Variants in CDH4 observed in about 807,000 individuals in gnomAD.
CDH4 encodes cadherin-4.
A neutral mutation model predicts 86.0 loss-of-function variants in CDH4; 33 were observed. The ratio of observed to expected loss-of-function variants is 0.38; its 90% CI spans 0.29 to 0.51. The LOEUF is 0.51. Ranked by LOEUF, CDH4 falls within the 20% of genes least tolerant of loss-of-function variation. The pLI, the probability that CDH4 is intolerant of heterozygous loss-of-function variation, is 0.86. For synonymous variants in CDH4, 555 were observed against 549.4 expected (o/e 1.01, Z -0.14); for missense variants, 1,114 against 1,307.4 (o/e 0.85, Z 2.28).
chr20:61,692,981 A>G (rs1003811481), intron 2 of CDH4, among the ~76,000 whole-genome samples: 2 of 152,150 alleles, frequency 1.3e-5, no homozygotes, highest in Non-Finnish European at 2.9e-5. Context: ...CCAGTTATCC[A>G]ATTAAAATGA....
chr20:61,483,426 G>GT (rs2085578643), intron 2 of CDH4, among the ~76,000 whole-genome samples: 1 of 152,218 alleles, frequency 6.6e-6, no homozygotes, highest in South Asian at 2.1e-4. Flanking sequence ...TCGATTGCTT[G>GT]AAGAGACGGT....
At chr20:61,893,647 A>C (rs1984959815) in intron 7 of CDH4, among the ~76,000 whole-genome samples, 1 of 145,718 alleles carries the variant, frequency 6.9e-6, no homozygotes, top group South Asian at 2.3e-4. Flanking sequence ...GGTTGGATAG[A>C]TGGATGGATG....
At chr20:61,457,199 T>A (rs561685789) in intron 2 of CDH4, among the ~76,000 whole-genome samples, 2 of 152,284 alleles carry the variant, frequency 1.3e-5, no homozygotes, top group African/African-American at 4.8e-5. Flanking sequence ...GACAAGGTCA[T>A]GGTGGTGGCT....
chr20:61,851,456 G>A (rs889115960), intron 5 of CDH4, among the ~76,000 whole-genome samples: 2 of 152,226 alleles, frequency 1.3e-5, no homozygotes, highest in African/African-American at 4.8e-5. Flanking sequence ...GGGAGTGGCA[G>A]CGGCCATGTG....
At chr20:61,436,697 T>G (rs1227140201) in intron 2 of CDH4, 2 of 152,226 alleles carry the variant, frequency 1.3e-5, no homozygotes, top group Non-Finnish European at 2.9e-5. Flanking sequence ...CACATTGGCC[T>G]CACGATTGAA....
chr20:61,697,159 G>A (rs1026008882), intron 2 of CDH4, among the ~76,000 whole-genome samples: 5 of 152,182 alleles, frequency 3.3e-5, no homozygotes, highest in African/African-American at 1.2e-4. Flanking sequence ...ATTCGGATGT[G>A]CGGATGAAGG....
Position 61,812,117 on chromosome 20 carries a change from G to A in CDH4, c.577-32551G>A, listed in dbSNP as rs1336333831. 2.0e-5 allele frequency among the ~76,000 whole-genome samples: 3 copies of A among 152,052 alleles called. No homozygotes were observed. In the East Asian group the frequency reaches 5.8e-4, roughly 29 times the overall value. On this transcript the variant is annotated intron_variant, in intron 4 of 15. Transcript: ENST00000614565. ...GTGCCTTAGTTCATCTGCTTCCAAG[G>A]GTGGCTGCCTAAGCTTCACTCAGGT...
rs981277823 is a variant in CDH4, at chr20:61,481,527, A to G, written c.169+226590A>G. On this transcript the variant is annotated intron_variant, in intron 2 of 15. Transcript: ENST00000614565. ...CTAAATCCCTTATGTCATCTGTGCA[A>G]CCATATAGTTGAATTTACCATCATG... Among the ~76,000 whole-genome samples, 3 of 152,232 alleles carry G rather than the reference A, an allele frequency of 2.0e-5. No individual in the cohort carries two copies. The South Asian group carries it at 6.2e-4, about 31-fold the overall frequency.
intron 2 of CDH4, among the ~76,000 whole-genome samples, chr20:61,706,535 G>T (rs2145892235): frequency 6.6e-6 from 1 of 152,358 alleles, no homozygotes; most frequent in Admixed American, 6.5e-5. Context: ...AGACTCCGGG[G>T]AGGAAGAACG....
At chr20:61,371,385 G>A (rs1459382971) in intron 2 of CDH4, among the ~76,000 whole-genome samples, 1 of 152,344 alleles carries the variant, frequency 6.6e-6, no homozygotes, top group African/African-American at 2.4e-5. Flanking sequence ...GTGTCCAGTG[G>A]ACATTGAATA....
At chr20:61,395,820 AG>A (rs958933993) in intron 2 of CDH4, among the ~76,000 whole-genome samples, 6 of 152,308 alleles carry the variant, frequency 3.9e-5, no homozygotes, top group African/African-American at 1.4e-4. Context: ...TAGGTTTTAA[AG>A]GGCTTGCTAG....
At chr20:61,640,295 G>A (rs762042397) in intron 2 of CDH4, among the ~76,000 whole-genome samples, 21 of 152,372 alleles carry the variant, frequency 1.4e-4, no homozygotes, top group Middle Eastern at 3.4e-3. Flanking sequence ...CACGTGCCTC[G>A]GCGGCCTGGC....
At chr20:61,571,131 G>A (rs73304608) in intron 2 of CDH4, among the ~76,000 whole-genome samples, 6,928 of 152,206 alleles carry the variant, frequency 0.046, 416 homozygotes, top group African/African-American at 0.13. Flanking sequence ...TGAATAACCC[G>A]CCTGCAGGGT....
intron 2 of CDH4, among the ~76,000 whole-genome samples, chr20:61,502,315 T>C (rs923572741): frequency 1.3e-5 from 2 of 152,198 alleles, no homozygotes; most frequent in African/African-American, 4.8e-5. Context: ...CTTTGTCGTT[T>C]TTCCTGAGTG....
intron 2 of CDH4, among the ~76,000 whole-genome samples, chr20:61,549,380 C>G (rs1323777817): frequency 5.3e-5 from 8 of 152,158 alleles, no homozygotes; most frequent in Non-Finnish European, 1.0e-4. Context: ...TACAAAGGCT[C>G]TTCAGACCCA....
intron 2 of CDH4, among the ~76,000 whole-genome samples, chr20:61,486,084 T>C (rs904420640): frequency 6.6e-6 from 1 of 152,234 alleles, no homozygotes; most frequent in African/African-American, 2.4e-5. Flanking sequence ...CCATGCTTTC[T>C]TTAGACTTCC....
chr20:61,396,002 G>A (rs1279590625), intron 2 of CDH4, among the ~76,000 whole-genome samples: 2 of 152,164 alleles, frequency 1.3e-5, no homozygotes, highest in Non-Finnish European at 2.9e-5. Flanking sequence ...GTGGCTGACA[G>A]ATAGCTTGGA....
chr20:61,792,814 C>A (rs1401644959), intron 4 of CDH4, among the ~76,000 whole-genome samples: 2 of 151,980 alleles, frequency 1.3e-5, no homozygotes, highest in African/African-American at 4.8e-5. Flanking sequence ...CCACACCCGG[C>A]TAATTTTTTT....
intron 2 of CDH4, among the ~76,000 whole-genome samples, chr20:61,646,415 G>C (rs762332747): frequency 9.9e-5 from 15 of 152,188 alleles, no homozygotes; most frequent in Admixed American, 2.6e-4. Context: ...GACACACACA[G>C]AGGACCAGGG....
Sources: gnomAD v4.1 joint callset for allele counts (sites outside exome capture counted in the v4.1 genomes callset) on GRCh38, gnomAD v4.1.1 for gene constraint, MANE v1.5 for transcripts, NCBI Gene and HGNC (gene_info 2026-07-23, HGNC 2026-07-21) for gene names.